The following NEGR1 variants were observed in gnomAD, a reference collection of about 807,000 sequenced individuals.
The protein encoded by NEGR1 is IgLON family member 4.
Under a neutral mutation model 40.9 loss-of-function variants are expected in NEGR1, and 10 were observed. The observed-to-expected ratio is 0.24, with a 90% CI of 0.15 to 0.42. The LOEUF (loss-of-function observed/expected upper bound fraction) is 0.42, where lower values mean the gene tolerates loss of function less well. NEGR1 is among the 10% of genes least tolerant of loss of function. The pLI is 1.00. For missense variants in NEGR1, 352 were observed against 438.9 expected, an observed-to-expected ratio of 0.80 and a Z score of 1.77; for synonymous variants, 185 against 166.8, an observed-to-expected ratio of 1.11 and a Z score of -0.84.
chr1:71,417,600 A>G (rs1465960832), intron 6 of NEGR1, among the ~76,000 whole-genome samples: 1 of 152,150 alleles, frequency 6.6e-6, no homozygotes, highest in East Asian at 1.9e-4. Context: ...GTTCTATTTG[A>G]ATGTGTTTGT....
At chr1:72,088,796 C>CTT (rs71074816) in intron 1 of NEGR1, among the ~76,000 whole-genome samples, 25 of 74,918 alleles carry the variant, frequency 3.3e-4, no homozygotes, top group African/African-American at 7.5e-4. Flanking sequence ...CTCTCTCTCT[C>CTT]TTTTTTTTTT....
chr1:71,881,849 G>T (rs1353557386), intron 2 of NEGR1, among the ~76,000 whole-genome samples: 1 of 152,060 alleles, frequency 6.6e-6, no homozygotes, highest in Non-Finnish European at 1.5e-5. Context: ...TTAAGGGTAT[G>T]CACTTAATCT....
At chr1:71,597,705 G>A (rs935795091) in intron 5 of NEGR1, among the ~76,000 whole-genome samples, 8 of 151,578 alleles carry the variant, frequency 5.3e-5, no homozygotes, top group Non-Finnish European at 5.9e-5. Context: ...TCAGGAGTTC[G>A]ATACCAGCCT....
chr1:71,571,601 G>A lies in NEGR1; in HGVS notation c.940+21216C>T, dbSNP rs375853195. Among the ~76,000 whole-genome samples, 12 of 152,012 alleles carry A rather than the reference G, an allele frequency of 7.9e-5. No individual in the cohort carries two copies. In the East Asian group the frequency reaches 1.9e-3, roughly 25 times the overall value. On this transcript the variant is annotated intron_variant, in intron 6 of 6. Coordinates refer to ENST00000357731, the MANE Select transcript of NEGR1 (RefSeq NM_173808.3). ...GCTCAGGAGTTCAAGACCAGCCTGG[G>A]CAACATGGCGAAACCACGTCTCTAC... is the stretch of plus-strand genomic sequence containing the variant.
chr1:71,687,308 T>C (rs1479453554), intron 4 of NEGR1, among the ~76,000 whole-genome samples: 1 of 152,212 alleles, frequency 6.6e-6, no homozygotes, highest in Non-Finnish European at 1.5e-5. Flanking sequence ...GTGAATCTTA[T>C]AAACATGGAA....
intron 1 of NEGR1, among the ~76,000 whole-genome samples, chr1:72,079,280 C>CTAAGCTTCATAA (rs1215667018): frequency 2.6e-5 from 4 of 151,710 alleles, no homozygotes; most frequent in Non-Finnish European, 5.9e-5. Flanking sequence ...GCTTAATAAT[C>CTAAGCTTCATAA]AGATCTAAGC....
At chr1:71,677,527 C>T (rs1197077476) in intron 4 of NEGR1, among the ~76,000 whole-genome samples, 1 of 152,060 alleles carries the variant, frequency 6.6e-6, no homozygotes, top group African/African-American at 2.4e-5. Flanking sequence ...TTTACAGCCA[C>T]AAAAGAGCAA....
At chr1:71,897,717 T>C (rs952687875) in intron 2 of NEGR1, among the ~76,000 whole-genome samples, 6 of 152,128 alleles carry the variant, frequency 3.9e-5, no homozygotes, top group Non-Finnish European at 7.4e-5. Context: ...AAAAAGTACA[T>C]AACAATTTAA....
chr1:72,209,644 A>T (rs1378315756), intron 1 of NEGR1, among the ~76,000 whole-genome samples: 2 of 151,912 alleles, frequency 1.3e-5, no homozygotes, highest in Non-Finnish European at 2.9e-5. Flanking sequence ...TATGATAATT[A>T]TATGTGTACA....
intron 1 of NEGR1, among the ~76,000 whole-genome samples, chr1:72,208,691 A>C (rs1384680634): frequency 1.3e-5 from 2 of 151,712 alleles, no homozygotes; most frequent in Non-Finnish European, 3.0e-5. Flanking sequence ...AGTTTCCTAA[A>C]GGCAACTTTA....
intron 2 of NEGR1, among the ~76,000 whole-genome samples, chr1:71,881,086 G>T (rs1452741724): frequency 6.6e-6 from 1 of 151,882 alleles, no homozygotes; most frequent in African/African-American, 2.4e-5. Context: ...TACCTACACA[G>T]GATTCTCAAG....
rs1465414345 is a variant in NEGR1, at chr1:71,721,833, A to G, written c.536-23694T>C. On this transcript the variant is annotated intron_variant, in intron 3 of 6. Transcript: ENST00000357731. ...TTTGATGGTCACTAAAAGTCATTTA[A>G]GTGGAGACCTTAATGTCATCAAAGA... 3.9e-5 allele frequency among the ~76,000 whole-genome samples: 6 copies of G among 152,262 alleles called. No individual in the cohort carries two copies. In the Middle Eastern group the frequency reaches 0.014, roughly 345 times the overall value.
intron 6 of NEGR1, among the ~76,000 whole-genome samples, chr1:71,575,421 T>C (rs1194424285): frequency 6.6e-6 from 1 of 152,132 alleles, no homozygotes; most frequent in Admixed American, 6.6e-5. Flanking sequence ...TGCTGTTTGG[T>C]TGAGAGAAAA....
intron 3 of NEGR1, among the ~76,000 whole-genome samples, chr1:71,714,191 T>C (rs1249700583): frequency 2.0e-5 from 3 of 152,104 alleles, no homozygotes; most frequent in East Asian, 3.9e-4. Flanking sequence ...TGCCAGATGC[T>C]TATAAAACCA....
intron 5 of NEGR1, among the ~76,000 whole-genome samples, chr1:71,606,025 C>T (rs1337883188): frequency 1.3e-5 from 2 of 152,092 alleles, no homozygotes; most frequent in African/African-American, 4.8e-5. Context: ...TATTCATGTC[C>T]CTGTGCTGTC....
intron 2 of NEGR1, among the ~76,000 whole-genome samples, chr1:71,840,962 C>T (rs1035892625): frequency 1.3e-5 from 2 of 152,198 alleles, no homozygotes; most frequent in Non-Finnish European, 2.9e-5. Flanking sequence ...TCTTTAACTA[C>T]AACACTGTTC....
intron 3 of NEGR1, among the ~76,000 whole-genome samples, chr1:71,741,709 G>T (rs1419131108): frequency 6.6e-6 from 1 of 152,170 alleles, no homozygotes; most frequent in Non-Finnish European, 1.5e-5. Context: ...AAGAAAGGAG[G>T]TTTAATTGGC....
intron 1 of NEGR1, among the ~76,000 whole-genome samples, chr1:72,170,075 T>C (rs554838088): frequency 5.4e-4 from 83 of 152,314 alleles, no homozygotes; most frequent in Non-Finnish European, 1.0e-3. Flanking sequence ...CTTTAAAACA[T>C]CTTTTATAAA....
intron 6 of NEGR1, among the ~76,000 whole-genome samples, chr1:71,509,862 G>A (rs1230087796): frequency 6.6e-6 from 1 of 152,180 alleles, no homozygotes; most frequent in African/African-American, 2.4e-5. Flanking sequence ...TCAAAGGGGT[G>A]GCTAGCCAGT....
Sources: allele counts gnomAD v4.1 joint callset (sites outside exome capture counted in the v4.1 genomes callset), GRCh38; gene constraint gnomAD v4.1.1; transcripts MANE v1.5; gene names NCBI Gene and HGNC (gene_info 2026-07-23, HGNC 2026-07-21).